Variants in ZNF438 observed in about 807,000 individuals in gnomAD.
ZNF438 encodes the protein zinc finger protein 438.
Under a neutral mutation model 38.0 loss-of-function variants are expected in ZNF438, and 25 were observed. That is an observed-to-expected ratio of 0.66 (90% CI 0.48 to 0.92). ZNF438 has a LOEUF of 0.92. ZNF438 is among the 40% of genes least tolerant of loss of function. The pLI is 0.00. For missense variants in ZNF438, 1,007 were observed against 999.6 expected, an observed-to-expected ratio of 1.01 and a Z score of -0.10; for synonymous variants, 372 against 364.1, an observed-to-expected ratio of 1.02 and a Z score of -0.25.
chr10:30,980,045 G>A (rs1008729195), intron 1 of ZNF438, among the ~76,000 whole-genome samples: 1 of 152,178 alleles, frequency 6.6e-6, no homozygotes, highest in African/African-American at 2.4e-5. Flanking sequence ...CACGGAACCA[G>A]GAGAAGCTAG....
At chr10:30,935,057 C>T in intron 2 of ZNF438, among the ~76,000 whole-genome samples, 1 of 152,322 alleles carries the variant, frequency 6.6e-6, no homozygotes, top group Non-Finnish European at 1.5e-5. Flanking sequence ...AATTAAACAT[C>T]TCTGAAAGTT....
At chr10:30,876,548 G>A (rs2038450799) in intron 4 of ZNF438, among the ~76,000 whole-genome samples, 1 of 152,130 alleles carries the variant, frequency 6.6e-6, no homozygotes, top group Non-Finnish European at 1.5e-5. Context: ...GATATCAGGG[G>A]AAACAGGCAA....
intron 1 of ZNF438, among the ~76,000 whole-genome samples, chr10:31,030,167 C>T (rs900875529): frequency 7.2e-5 from 11 of 151,788 alleles, no homozygotes; most frequent in African/African-American, 2.7e-4. Context: ...ATGTTCTTAC[C>T]TCAGGCTCTT....
intron 1 of ZNF438, among the ~76,000 whole-genome samples, chr10:30,994,005 T>C (rs1313158832): frequency 3.9e-5 from 6 of 152,242 alleles, no homozygotes; most frequent in Non-Finnish European, 7.3e-5. Flanking sequence ...TCCTCCCTTT[T>C]GGAATGGCAA....
intron 1 of ZNF438, among the ~76,000 whole-genome samples, chr10:30,945,122 AAAACT>A (rs1390478653): frequency 1.3e-5 from 2 of 151,838 alleles, no homozygotes; most frequent in African/African-American, 4.8e-5. Context: ...AAGTGTTGAG[AAAACT>A]AACTGTAATA....
chr10:30,847,398 C>T (rs915927803), intron 5 of ZNF438, among the ~76,000 whole-genome samples: 8 of 152,278 alleles, frequency 5.3e-5, no homozygotes, highest in Admixed American at 4.6e-4. Flanking sequence ...ACGGGGAAAA[C>T]CTGCCTGCAG....
At chr10:31,028,291 T>G (rs1356945557) in intron 1 of ZNF438, among the ~76,000 whole-genome samples, 2 of 152,154 alleles carry the variant, frequency 1.3e-5, no homozygotes, top group Non-Finnish European at 2.9e-5. Flanking sequence ...TTATGCAAGC[T>G]GCAACATTTC....
intron 4 of ZNF438, among the ~76,000 whole-genome samples, chr10:30,870,960 G>C (rs1449840693): frequency 6.6e-6 from 1 of 152,202 alleles, no homozygotes; most frequent in Non-Finnish European, 1.5e-5. Context: ...ACAATGACCA[G>C]AGCTCAGCTG....
intron 2 of ZNF438, among the ~76,000 whole-genome samples, chr10:30,911,510 C>T (rs181262418): frequency 1.3e-5 from 2 of 152,222 alleles, no homozygotes; most frequent in Admixed American, 1.3e-4. Flanking sequence ...TAATACTGAC[C>T]TCACTTCTCA....
At chr10:30,850,918 A>C (rs1278982312) in intron 4 of ZNF438, among the ~76,000 whole-genome samples, 1 of 152,202 alleles carries the variant, frequency 6.6e-6, no homozygotes, top group Admixed American at 6.5e-5. Flanking sequence ...CAATCTCAGG[A>C]TACACCATTT....
chr10:30,972,221 G>A (rs1189428299), intron 1 of ZNF438, among the ~76,000 whole-genome samples: 5 of 151,992 alleles, frequency 3.3e-5, no homozygotes, highest in Admixed American at 1.3e-4. Flanking sequence ...CACCTGCCTC[G>A]GCCTCCCAAA....
rs372114259 is a variant in ZNF438 at position 30,974,129 on chromosome 10, CCTT to C, written c.-191-32481_-191-32479del. 3.7e-4 allele frequency among the ~76,000 whole-genome samples: 57 copies of C among 152,326 alleles called. 1 individual carries two copies. In the South Asian group the frequency reaches 0.011, roughly 30 times the overall value. On this transcript the variant is annotated intron_variant, in intron 1 of 5. Transcript: ENST00000413025. ...CATATCCCAGTGGAAAAGGTGATAA[CCTT>C]CTGGGAATCTAGATAAATAGTTCTG...
intron 1 of ZNF438, among the ~76,000 whole-genome samples, chr10:31,008,567 A>G (rs1214318570): frequency 1.3e-5 from 2 of 152,128 alleles, no homozygotes; most frequent in East Asian, 1.9e-4. Context: ...CCTTTCACTT[A>G]GCATGTTTTG....
At chr10:30,966,452 T>C (rs1367636178) in intron 1 of ZNF438, among the ~76,000 whole-genome samples, 1 of 151,968 alleles carries the variant, frequency 6.6e-6, no homozygotes, top group Non-Finnish European at 1.5e-5. Flanking sequence ...GGGTGGATCA[T>C]GAGATCAGGG....
At chr10:30,845,174 C>A (rs2031615391) in exon 6 of ZNF438, 11 of 1,614,202 alleles carry the variant, frequency 6.8e-6, no homozygotes, top group Non-Finnish European at 8.5e-6. Context: ...ACTCAGGGCC[C>A]TGGCAGGTTT....
intron 1 of ZNF438, among the ~76,000 whole-genome samples, chr10:30,947,382 G>A (rs2047540600): frequency 6.6e-6 from 1 of 152,216 alleles, no homozygotes; most frequent in African/African-American, 2.4e-5. Flanking sequence ...TCTAGTAAAG[G>A]GAAGTGGAAT....
chr10:30,845,124 C>A, exon 6 of ZNF438: 1 of 1,614,204 alleles, frequency 6.2e-7, no homozygotes, highest in Non-Finnish European at 8.5e-7. Flanking sequence ...GCAGTTAAAG[C>A]CTGAATGGGA....
intron 2 of ZNF438, among the ~76,000 whole-genome samples, chr10:30,924,896 T>C (rs2044734398): frequency 2.0e-5 from 3 of 152,344 alleles, no homozygotes; most frequent in East Asian, 1.9e-4. Flanking sequence ...TATTAGTATA[T>C]AAATGTTAAT....
chr10:30,846,533 G>T (rs1342568906), intron 5 of ZNF438, among the ~76,000 whole-genome samples: 2 of 152,242 alleles, frequency 1.3e-5, no homozygotes, highest in African/African-American at 4.8e-5. Flanking sequence ...CCCTGAGGCA[G>T]AGCTGGGCCA....
Sources: gnomAD v4.1 joint callset for allele counts (sites outside exome capture counted in the v4.1 genomes callset) on GRCh38, gnomAD v4.1.1 for gene constraint, MANE v1.5 for transcripts, NCBI Gene and HGNC (gene_info 2026-07-23, HGNC 2026-07-21) for gene names.